Variants in FHOD3 observed in about 807,000 individuals in gnomAD.
The protein encoded by FHOD3 is FH1/FH2 domain-containing protein 3.
Under a neutral mutation model 173.0 loss-of-function variants are expected in FHOD3, and 90 were observed. The ratio of observed to expected loss-of-function variants is 0.52; its 90% CI spans 0.44 to 0.62. FHOD3 has a LOEUF of 0.62. Among genes scored for constraint, FHOD3 ranks in the 20% least tolerant of loss-of-function variants. The pLI is 0.00. For missense variants in FHOD3, 1,945 were observed against 2,034.7 expected (o/e 0.96, Z 0.85); for synonymous variants, 828 against 823.0 (o/e 1.01, Z -0.10).
intron 6 of FHOD3, among the ~76,000 whole-genome samples, chr18:36,577,358 A>G (rs1173621227): frequency 2.6e-5 from 4 of 152,140 alleles, no homozygotes; most frequent in Non-Finnish European, 5.9e-5. Context: ...GCTGGAGTAC[A>G]GTAGCATGAT....
chr18:36,354,709 G>A (rs1335693183), intron 1 of FHOD3, among the ~76,000 whole-genome samples: 2 of 152,140 alleles, frequency 1.3e-5, no homozygotes, highest in African/African-American at 2.4e-5. Flanking sequence ...GGGAAGCTGA[G>A]GCAGAAGAAT....
intron 5 of FHOD3, among the ~76,000 whole-genome samples, chr18:36,567,316 A>C (rs556064155): frequency 2.6e-4 from 40 of 152,202 alleles, no homozygotes; most frequent in Non-Finnish European, 5.4e-4. Context: ...GAAGGGAAAA[A>C]GAAGAGAAAG....
chr18:36,418,498 T>G (rs1052704564), intron 3 of FHOD3, among the ~76,000 whole-genome samples: 10 of 152,190 alleles, frequency 6.6e-5, no homozygotes, highest in African/African-American at 2.4e-4. Flanking sequence ...TCTGTGAAAT[T>G]GAGGTCATGG....
chr18:36,718,224 T>C lies in FHOD3; in HGVS notation c.2926T>C (p.Ser976Pro), dbSNP rs762471951. Residue 976 changes from serine (S) to proline (P), a missense_variant, in exon 19 of 29, where the codon TCT (serine) becomes CCT (proline). By Grantham distance (74) the Ser-to-Pro change is moderately conservative. Around this residue, in one of 5 missense-constraint regions of FHOD3, gnomAD observed 1,099 missense variants for 1,051.2 expected, o/e 1.05. Coordinates refer to ENST00000590592, the MANE Select transcript of FHOD3 (RefSeq NM_001281740.3). ...ETAPVQPKTE[S>P]DYIWDQLMAN... ...AGCGCCGGTGCAGCCGAAGACAGAG[T>C]CTGATTACATCTGGGACCAGCTCAT... 4 of 1,613,750 alleles carry C rather than the reference T, an allele frequency of 2.5e-6. No individual in the cohort carries two copies. The highest frequency in any genetic ancestry group is 3.3e-4 in the Middle Eastern group (2 of 6,062).
intron 14 of FHOD3, among the ~76,000 whole-genome samples, chr18:36,663,980 A>G (rs1482852314): frequency 2.6e-5 from 4 of 151,952 alleles, no homozygotes; most frequent in African/African-American, 7.3e-5. Context: ...TTGAAGTTCT[A>G]CTTGGGTTTT....
Position 36,559,548 on chromosome 18 carries a change from C to T in FHOD3, c.512-16903C>T, listed in dbSNP as rs796359829. ...ACTTCTTCCATACCCCTCTGCACTA[C>T]ATTTTAGCATCTTGCTTGGGCAGGA... On this transcript the variant is annotated intron_variant, in intron 5 of 28. Transcript: ENST00000590592. Among the ~76,000 whole-genome samples, 18 of 152,322 alleles carry T rather than the reference C, an allele frequency of 1.2e-4. 1 individual carries two copies. The highest frequency in any genetic ancestry group is 4.3e-4 in the African/African-American group (18 of 41,564).
At position 36,718,216 on chromosome 18, in the gene FHOD3, A is replaced by T; in HGVS notation, c.2918A>T (p.Lys973Met). 1 of 1,614,148 alleles carries T rather than the reference A, an allele frequency of 6.2e-7. No individual in the cohort carries two copies. The highest frequency in any genetic ancestry group is 8.5e-7 in the Non-Finnish European group (1 of 1,180,016). Residue 973 changes from lysine (K) to methionine (M), a missense_variant, in exon 19 of 29, where the codon AAG becomes ATG. Physicochemically the swap from Lys to Met is moderately conservative, Grantham distance 95. This residue lies in a region of FHOD3 where 1,099 missense variants were observed against 1,051.2 expected (regional missense o/e 1.05). Transcript: ENST00000590592. ...KVPETAPVQPKTESDYIWDQL... is the reference protein window; with the variant it reads ...KVPETAPVQPMTESDYIWDQL... ...CCAGAAACAGCGCCGGTGCAGCCGA[A>T]GACAGAGTCTGATTACATCTGGGAC... is the stretch of plus-strand genomic sequence containing the variant.
At chr18:36,597,919 A>G (rs1189496908) in intron 7 of FHOD3, among the ~76,000 whole-genome samples, 3 of 152,164 alleles carry the variant, frequency 2.0e-5, no homozygotes, top group Non-Finnish European at 4.4e-5. Context: ...GTGATTTTAT[A>G]ATGCATACAT....
chr18:36,313,517 G>T (rs1406986020), intron 1 of FHOD3, among the ~76,000 whole-genome samples: 1 of 152,162 alleles, frequency 6.6e-6, no homozygotes, highest in Admixed American at 6.5e-5. Flanking sequence ...TATATGAATA[G>T]AATCATTTCG....
At chr18:36,615,830 T>C (rs1024108302) in intron 9 of FHOD3, among the ~76,000 whole-genome samples, 3 of 152,232 alleles carry the variant, frequency 2.0e-5, no homozygotes, top group Non-Finnish European at 4.4e-5. Flanking sequence ...CTCACTATTT[T>C]CTATAAGTTA....
intron 10 of FHOD3, among the ~76,000 whole-genome samples, chr18:36,641,686 T>C (rs2035316598): frequency 6.6e-6 from 1 of 152,198 alleles, no homozygotes; most frequent in Non-Finnish European, 1.5e-5. Context: ...CAGGGCACGG[T>C]GGCTCATGTC....
intron 5 of FHOD3, among the ~76,000 whole-genome samples, chr18:36,560,262 G>A (rs1241237996): frequency 6.6e-6 from 1 of 152,200 alleles, no homozygotes; most frequent in African/African-American, 2.4e-5. Context: ...CCATTCTCAA[G>A]CAAGCTTATA....
chr18:36,659,240 T>C (rs926184464), intron 14 of FHOD3, among the ~76,000 whole-genome samples: 1 of 152,198 alleles, frequency 6.6e-6, no homozygotes, highest in Non-Finnish European at 1.5e-5. Context: ...CACATGTCAC[T>C]GTTAACTTCT....
intron 1 of FHOD3, among the ~76,000 whole-genome samples, chr18:36,336,702 A>T (rs2045329459): frequency 6.9e-6 from 1 of 144,186 alleles, no homozygotes; most frequent in African/African-American, 2.6e-5. Flanking sequence ...AAAAAAAATT[A>T]TCCAGATGTG....
chr18:36,727,924 T>C (rs775066541), intron 19 of FHOD3, among the ~76,000 whole-genome samples: 2 of 152,166 alleles, frequency 1.3e-5, no homozygotes, highest in Admixed American at 1.3e-4. Context: ...TGGGGTTTTG[T>C]GGATGAGGGG....
intron 1 of FHOD3, among the ~76,000 whole-genome samples, chr18:36,312,836 A>G (rs1442983465): frequency 6.6e-6 from 1 of 152,212 alleles, no homozygotes; most frequent in Non-Finnish European, 1.5e-5. Flanking sequence ...AGTGGCTTCA[A>G]ACAATCATAT....
intron 1 of FHOD3, among the ~76,000 whole-genome samples, chr18:36,300,557 C>T (rs893160775): frequency 6.6e-6 from 1 of 152,112 alleles, no homozygotes; most frequent in African/African-American, 2.4e-5. Context: ...GCTTTTTGGG[C>T]CACAGGGCGT....
At position 36,576,655 on chromosome 18, in the gene FHOD3, C is replaced by T. The variant is rs557086515; in HGVS notation, c.606+110C>T. The T allele has an allele frequency of 1.2e-4, 75 of 651,994 alleles. 1 individual carries two copies. Among genetic ancestry groups the T allele is most frequent in the South Asian group, 9.2e-4 (44 of 47,644 alleles). The allele number at this position is 651,994 out of a possible 1,614,324, so 40.4% of individuals were successfully genotyped here. A position where few individuals can be genotyped will look rare whatever the true frequency, so the allele number is the denominator to read the frequency against. ...AAATTTTATTCAGCTTTTTTCAAGC[C>T]GTTACAGTATAAATGAGGATTACTA... is the stretch of plus-strand genomic sequence containing the variant. On this transcript the variant is annotated intron_variant, in intron 6 of 28. Coordinates refer to ENST00000590592, the MANE Select transcript of FHOD3 (RefSeq NM_001281740.3).
intron 17 of FHOD3, among the ~76,000 whole-genome samples, chr18:36,708,584 G>C (rs1461650737): frequency 3.3e-5 from 5 of 152,176 alleles, no homozygotes; most frequent in Non-Finnish European, 7.3e-5. Context: ...GCTGCGGCTG[G>C]CTGGGCTCTT....
Sources: gnomAD v4.1 joint callset for allele counts (sites outside exome capture counted in the v4.1 genomes callset) on GRCh38, gnomAD v4.1.1 for gene constraint, gnomAD v4.1.1 regional missense constraint, MANE v1.5 for transcripts, NCBI Gene and HGNC (gene_info 2026-07-23, HGNC 2026-07-21) for gene names.